The following CCDC142 variants were observed in gnomAD, a reference collection of about 807,000 sequenced individuals.
CCDC142 encodes coiled-coil domain-containing protein 142.
In CCDC142, 67 loss-of-function variants were observed where a neutral mutation model predicts 83.8. The observed-to-expected ratio is 0.80, with a 90% CI of 0.66 to 0.98. The LOEUF is 0.98. Among genes scored for constraint, CCDC142 ranks in the 50% least tolerant of loss-of-function variants. The probability of loss-of-function intolerance (pLI) is 0.00; values close to 1 mark genes in which losing one functional copy is unlikely to be tolerated. For synonymous variants in CCDC142, 421 were observed against 421.2 expected (o/e 1.00, Z 0.01); for missense variants, 905 against 946.8 (o/e 0.96, Z 0.58).
rs1007677836 is a variant in CCDC142 at position 74,474,956 on chromosome 2, G to C, written c.1956C>G (p.Pro652=). 1.2e-6 allele frequency: 2 copies of C among 1,608,318 alleles called. No individual in the cohort carries two copies. Among genetic ancestry groups the C allele is most frequent in the Admixed American group, 3.4e-5 (2 of 59,434 alleles). ...TCCTGTGGACTTGAGACTTGGGCAG[G>C]GGCTGCTGCAACAGACACAGCAGGG... is the stretch of plus-strand genomic sequence containing the variant. ...DGALLCLLQQ[P]LPKSQVHRRP... The change falls in exon 8 of 9, where the codon CCC becomes CCG. Residue 652 remains proline (P), a synonymous_variant. Transcript: ENST00000393965.
At chr2:74,479,129 G>T (rs1164156634) in intron 5 of CCDC142, among the ~76,000 whole-genome samples, 2 of 152,042 alleles carry the variant, frequency 1.3e-5, no homozygotes, top group African/African-American at 2.4e-5. Context: ...AGGAGGTGGA[G>T]GTTGCAGTGA....
rs749480967 is a variant in CCDC142, at chr2:74,474,981, G to A, written c.1931C>T (p.Ala644Val). 1 of 1,613,356 alleles carries A rather than the reference G, an allele frequency of 6.2e-7. No individual in the cohort carries two copies. The highest frequency in any genetic ancestry group is 2.2e-5 in the East Asian group (1 of 44,864). Residue 644 changes from alanine to valine, a missense_variant, in exon 8 of 9, where the codon GCC (alanine) becomes GTC (valine). This residue lies in a region of CCDC142 where 265 missense variants were observed against 288.9 expected (regional missense o/e 0.92). Coordinates refer to ENST00000393965, the MANE Select transcript of CCDC142 (RefSeq NM_001365575.2). ...GGGCTGCTGCAACAGACACAGCAGG[G>A]CCCCATCCAGCTGCTGGAAGATGCT... is the stretch of plus-strand genomic sequence containing the variant. The part of the protein sequence containing the change: ...MLSIFQQLDG[A>V]LLCLLQQPLP...
intron 1 of CCDC142, 96 bp from the exon 2 acceptor site, chr2:74,481,634 A>G: frequency 1.4e-6 from 2 of 1,400,230 alleles, no homozygotes; most frequent in East Asian, 2.3e-5. Flanking sequence ...TGCTTCCTCC[A>G]AGACTCGGGA....
In CCDC142 at chr2:74,482,137, C is replaced by G. The variant is rs145805017; in HGVS notation, c.701G>C (p.Arg234Pro). Residue 234 changes from arginine to proline, a missense_variant, in exon 1 of 9, where the codon CGT becomes CCT. Transcript: ENST00000393965. This position sits in a 1 kb window ranked among gnomAD's most constrained non-coding sequence, Gnocchi z 5.0. Reference protein sequence around the residue: ...PGAARPFPTSRVLRLLTGERG... With the variant: ...PGAARPFPTSPVLRLLTGERG... ...CTCCCCCGTCAAGAGGCGGAGCACACGGGACGTGGGGAAAGGACGTGCGGC... is the reference window on the plus strand; with the variant it reads ...CTCCCCCGTCAAGAGGCGGAGCACAGGGGACGTGGGGAAAGGACGTGCGGC... The G allele has an allele frequency of 4.5e-5, 72 of 1,613,680 alleles. No individual in the cohort carries two copies. The highest frequency in any genetic ancestry group is 4.2e-5 in the Non-Finnish European group (50 of 1,179,962).
Position 74,474,478 on chromosome 2 carries a change from C to T in CCDC142, c.*68G>A. ...TTCTGGGCTTCCTTAATATGCAATT[C>T]CAAATGTCTGGATTTTCCAGCTAGA... On this transcript the variant is annotated 3_prime_UTR_variant, in exon 9 of 9. Transcript: ENST00000393965. 6.6e-7 allele frequency: 1 copy of T among 1,506,544 alleles called. No homozygotes were observed. Among genetic ancestry groups the T allele is most frequent in the Non-Finnish European group, 8.8e-7 (1 of 1,132,802 alleles). 93.3% of individuals were successfully genotyped at this position (1,506,544 alleles called of 1,614,324 possible).
At position 74,478,799 on chromosome 2, in the gene CCDC142, G is replaced by T. The variant is rs898788539; in HGVS notation, c.1503+1970C>A. Among the ~76,000 whole-genome samples, 15 of 151,508 alleles carry T rather than the reference G, an allele frequency of 9.9e-5. No individual in the cohort carries two copies. The South Asian group carries it at 2.9e-3, about 30-fold the overall frequency. On this transcript the variant is annotated intron_variant, in intron 5 of 8. Transcript: ENST00000393965. The stretch of plus-strand genomic sequence containing the variant: ...CCCAGCACTTTGGGAGGCTGAGGTG[G>T]GTGGATCACCTGAGGTCAAGGGTTC...
At chr2:74,476,717 G>C (rs937509151) in intron 5 of CCDC142, among the ~76,000 whole-genome samples, 1 of 152,192 alleles carries the variant, frequency 6.6e-6, no homozygotes, top group Non-Finnish European at 1.5e-5. Context: ...TTTTTGGAGG[G>C]AGAGAACACA....
chr2:74,477,841 G>A (rs1192584157), intron 5 of CCDC142, among the ~76,000 whole-genome samples: 5 of 152,068 alleles, frequency 3.3e-5, no homozygotes, highest in African/African-American at 9.7e-5. Context: ...CTAGAACTCT[G>A]GGAGCCAGGC....
intron 5 of CCDC142, among the ~76,000 whole-genome samples, chr2:74,476,090 CACACACACACACAG>C (rs1306535009): frequency 4.1e-4 from 59 of 143,966 alleles, no homozygotes; most frequent in East Asian, 3.2e-3. Context: ...CACACACACA[CACACACACACACAG>C]AGCATATGCC....
Position 74,474,786 on chromosome 2 carries a change from G to A in CCDC142, c.2013C>T (p.Val671=). 6.2e-7 allele frequency: 1 copy of A among 1,609,920 alleles called. No individual in the cohort carries two copies. The highest frequency in any genetic ancestry group is 8.5e-7 in the Non-Finnish European group (1 of 1,177,436). ...RPPCCCACQE[V]QTTKLPSSCL... The stretch of plus-strand genomic sequence containing the variant: ...AGCTGCTGGGCAATTTCGTGGTCTG[G>A]ACCTCCTGACAAGCACCTGGTAAGG... The change falls in exon 9 of 9, where the codon GTC becomes GTT. Residue 671 remains valine (V), a synonymous_variant. Coordinates refer to ENST00000393965, the MANE Select transcript of CCDC142 (RefSeq NM_001365575.2).
At position 74,481,311 on chromosome 2, in the gene CCDC142, G is replaced by A. The variant is rs959477706; in HGVS notation, c.1170C>T (p.Gly390=). ...AGAGCTGCTGCAAAAGTTCAGCAGT[G>A]CCAGAGGATGTGGGAAGGCTGCTCT... ...GGQSSLPTSS[G]TAELLQQLFP... The change falls in exon 3 of 9, where the codon GGC becomes GGT. Residue 390 remains glycine (G), a synonymous_variant. Coordinates refer to ENST00000393965, the MANE Select transcript of CCDC142 (RefSeq NM_001365575.2). 3.1e-6 allele frequency: 5 copies of A among 1,614,014 alleles called. No individual in the cohort carries two copies. The African/African-American group carries it at 6.7e-5, about 22-fold the overall frequency.
rs2104004319 is a variant in CCDC142, at chr2:74,474,190, T to C, written c.*356A>G. The C allele has an allele frequency of 5.9e-6, 1 of 170,098 alleles. No individual in the cohort carries two copies. Among genetic ancestry groups the C allele is most frequent in the South Asian group, 1.2e-4 (1 of 8,114 alleles). 10.5% of individuals were successfully genotyped at this position (170,098 alleles called of 1,614,324 possible). On this transcript the variant is annotated 3_prime_UTR_variant, in exon 9 of 9. Coordinates refer to ENST00000393965, the MANE Select transcript of CCDC142 (RefSeq NM_001365575.2). ...GCTCCGCCTCCCAGGTTCACACCAT[T>C]CTCCTGCCTCAGCCTCCCGAGTAGC...
In CCDC142 at chr2:74,482,205, G is replaced by A. The variant is rs773060223; in HGVS notation, c.633C>T (p.Ala211=). 2 of 1,613,660 alleles carry A rather than the reference G, an allele frequency of 1.2e-6. No individual in the cohort carries two copies. Among genetic ancestry groups the A allele is most frequent in the South Asian group, 2.2e-5 (2 of 90,914 alleles). Residue 211 remains alanine, a synonymous_variant, in exon 1 of 9, where the codon GCC becomes GCT. Transcript: ENST00000393965. The surrounding 1 kb of genome is among the most constrained non-coding windows in gnomAD (Gnocchi z 5.0). ...QLAELLFALP[A]YHTLQRKALS... is the part of the protein sequence containing the mutation. ...AGGCTTTTCTCTGTAGTGTGTGGTA[G>A]GCGGGAAGTGCAAAGAGCAGCTCGG...
intron 6 of CCDC142, 90 bp downstream of exon 6, chr2:74,475,522 G>A: frequency 6.9e-7 from 1 of 1,446,054 alleles, no homozygotes; most frequent in Non-Finnish European, 9.5e-7. Context: ...GACAAGGATG[G>A]AGACAGTGGA....
chr2:74,475,540 C>T lies in CCDC142; in HGVS notation c.1618+72G>A, dbSNP rs1052121188. On this transcript the variant is annotated intron_variant, in intron 6 of 8. Coordinates refer to ENST00000393965, the MANE Select transcript of CCDC142 (RefSeq NM_001365575.2). ...AAGGATGGAGACAGTGGAGGGGAAC[C>T]GGAATTTGGAAGGGCTGAGACACTA... 2.2e-5 allele frequency: 32 copies of T among 1,474,436 alleles called. No homozygotes were observed. The Middle Eastern group carries it at 5.3e-4, about 24-fold the overall frequency. 91.3% of individuals were successfully genotyped at this position (1,474,436 alleles called of 1,614,324 possible). A position where few individuals can be genotyped will look rare whatever the true frequency, so the allele number is the denominator to read the frequency against.
rs1672580307 is a variant in CCDC142 at position 74,482,810 on chromosome 2, G to A, written c.28C>T (p.Leu10=). Residue 10 remains leucine (L), a synonymous_variant, in exon 1 of 9, where the codon CTG becomes TTG. Transcript: ENST00000393965. This position sits in a 1 kb window ranked among gnomAD's most constrained non-coding sequence, Gnocchi z 5.0. Reference sequence around the variant, plus strand: ...GGGGGCACGATAACGAGTGGAGGCAGGCTACCTGAGCGAGACGCCTGGGCC... The same window carrying A: ...GGGGGCACGATAACGAGTGGAGGCAAGCTACCTGAGCGAGACGCCTGGGCC... MAQASRSGS[L]PPLVIVPPLR... 1 of 1,599,560 alleles carries A rather than the reference G, an allele frequency of 6.3e-7. No individual in the cohort carries two copies. Among genetic ancestry groups the A allele is most frequent in the South Asian group, 1.1e-5 (1 of 91,074 alleles).
chr2:74,475,357 G>A lies in CCDC142; in HGVS notation c.1664C>T (p.Thr555Ile), dbSNP rs116266687. The A allele has an allele frequency of 6.2e-7, 1 of 1,606,976 alleles. No homozygotes were observed. The highest frequency in any genetic ancestry group is 2.2e-5 in the East Asian group (1 of 44,836). ...TCCTTGCAACACAGGCTCCAGTACG[G>A]TGCGGACCACTAAACCAGCATACTC... is the stretch of plus-strand genomic sequence containing the variant. Reference protein sequence around the residue: ...PSEYAGLVVRTVLEPVLQGLQ... With the variant: ...PSEYAGLVVRIVLEPVLQGLQ... The change falls in exon 7 of 9, where the codon ACC becomes ATC. Residue 555 changes from threonine to isoleucine, a missense_variant. Physicochemically the swap from Thr to Ile is moderately conservative, Grantham distance 89 (BLOSUM62 -1). This residue lies in a region of CCDC142 where 265 missense variants were observed against 288.9 expected (regional missense o/e 0.92). Coordinates refer to ENST00000393965, the MANE Select transcript of CCDC142 (RefSeq NM_001365575.2).
intron 5 of CCDC142, among the ~76,000 whole-genome samples, chr2:74,477,930 G>A (rs1204247690): frequency 6.6e-6 from 1 of 150,450 alleles, no homozygotes; most frequent in Non-Finnish European, 1.5e-5. Context: ...AAGAGTTCAA[G>A]AACAGGGCAC....
chr2:74,478,872 A>ACTTG (rs2104014269), intron 5 of CCDC142, among the ~76,000 whole-genome samples: 1 of 151,964 alleles, frequency 6.6e-6, no homozygotes, highest in African/African-American at 2.4e-5. Context: ...CTAAAAATAC[A>ACTTG]AAAACTAGCT....
Sources: allele counts gnomAD v4.1 joint callset (sites outside exome capture counted in the v4.1 genomes callset), GRCh38; gene constraint gnomAD v4.1.1; regional missense constraint gnomAD v4.1.1; non-coding constraint Gnocchi (gnomAD v3.1); transcripts MANE v1.5; gene names NCBI Gene and HGNC (gene_info 2026-07-23, HGNC 2026-07-21).